ZNF410: variants seen among roughly 807,000 people sequenced by gnomAD.
The protein encoded by ZNF410 is zinc finger protein 410.
In ZNF410, 18 loss-of-function variants were observed where a neutral mutation model predicts 54.8. That is an observed-to-expected ratio of 0.33 (90% CI 0.23 to 0.49). The LOEUF (loss-of-function observed/expected upper bound fraction) is 0.49. ZNF410 is among the 20% of genes least tolerant of loss of function. The probability of loss-of-function intolerance (pLI) is 0.99; values close to 1 mark genes in which losing one functional copy is unlikely to be tolerated. For missense variants in ZNF410, 405 were observed against 569.6 expected, an observed-to-expected ratio of 0.71 and a Z score of 2.94; for synonymous variants, 191 against 207.3, an observed-to-expected ratio of 0.92 and a Z score of 0.68.
At chr14:73,921,265 T>C in intron 9 of ZNF410, 160 bp downstream of exon 9, 2 of 779,006 alleles carry the variant, frequency 2.6e-6, no homozygotes, top group South Asian at 2.5e-5. Context: ...AGCTATACAG[T>C]AGAATCATCT....
intron 1 of ZNF410, among the ~76,000 whole-genome samples, chr14:73,890,591 G>T (rs1009110401): frequency 6.6e-6 from 1 of 152,038 alleles, no homozygotes; most frequent in Admixed American, 6.6e-5. Flanking sequence ...ACCCATCCTG[G>T]ATACATTTTA....
At chr14:73,918,443 T>TTGGTTGAATCAATGGATGTGGA (rs2055702118) in intron 8 of ZNF410, among the ~76,000 whole-genome samples, 1 of 152,134 alleles carries the variant, frequency 6.6e-6, no homozygotes, top group Non-Finnish European at 1.5e-5. Flanking sequence ...TTTTATCTGC[T>TTGGTTGAATCAATGGATGTGGA]TGGTTGAATC....
At chr14:73,892,549 C>A (rs907281788) in intron 2 of ZNF410, among the ~76,000 whole-genome samples, 2 of 151,748 alleles carry the variant, frequency 1.3e-5, no homozygotes, top group South Asian at 2.1e-4. Flanking sequence ...TTTACTACTA[C>A]AAATTCTTTT....
intron 5 of ZNF410, among the ~76,000 whole-genome samples, chr14:73,900,124 T>C (rs11625171): frequency 0.49 from 73,429 of 149,930 alleles, 18,075 homozygotes; most frequent in South Asian, 0.61. Flanking sequence ...ACCCGGGAGG[T>C]GGAGGTTGCA....
At chr14:73,913,394 G>C (rs1183138653) in intron 8 of ZNF410, 2 of 152,034 alleles carry the variant, frequency 1.3e-5, no homozygotes, top group Non-Finnish European at 2.9e-5. Flanking sequence ...TCCAGAGCAA[G>C]GTTGAAGGAA....
Position 73,911,836 on chromosome 14 carries a change from AGTT to A in ZNF410, c.1003+2425_1003+2427del, listed in dbSNP as rs370213161. Among the ~76,000 whole-genome samples, 214 of 151,932 alleles carry A rather than the reference AGTT, an allele frequency of 1.4e-3. 1 individual carries two copies. Among genetic ancestry groups the A allele is most frequent in the East Asian group, 3.9e-3 (20 of 5,160 alleles). ...TAAAAATCTAGATCTTTCTACATTGAGTTGTTGTTGTTGTTGTTGTTTGTTTGT... is the reference window on the plus strand; with the variant it reads ...TAAAAATCTAGATCTTTCTACATTGAGTTGTTGTTGTTGTTGTTTGTTTGT... On this transcript the variant is annotated intron_variant, in intron 8 of 11. Transcript: ENST00000555044.
intron 8 of ZNF410, among the ~76,000 whole-genome samples, chr14:73,917,600 A>G (rs1261057015): frequency 1.3e-5 from 2 of 152,136 alleles, no homozygotes; most frequent in Non-Finnish European, 2.9e-5. Context: ...AGGTGGGTGG[A>G]TCACCTGAGG....
intron 1 of ZNF410, among the ~76,000 whole-genome samples, chr14:73,890,952 G>A (rs2055219663): frequency 6.6e-6 from 1 of 152,146 alleles, no homozygotes; most frequent in Non-Finnish European, 1.5e-5. Flanking sequence ...AGGTTGTGGT[G>A]AGCTGAGATC....
intron 5 of ZNF410, among the ~76,000 whole-genome samples, chr14:73,901,835 G>A (rs1352719338): frequency 6.6e-6 from 1 of 151,416 alleles, no homozygotes; most frequent in Non-Finnish European, 1.5e-5. Flanking sequence ...TTGGGAGGCT[G>A]AGGTGGGAGG....
intron 7 of ZNF410, among the ~76,000 whole-genome samples, chr14:73,905,942 T>TACAC (rs1322750179): frequency 7.4e-4 from 66 of 89,456 alleles, no homozygotes; most frequent in African/African-American, 3.8e-3. Flanking sequence ...CATACATATA[T>TACAC]ATACACACAC....
Position 73,918,997 on chromosome 14 carries a change from C to CTT in ZNF410, c.1004-1954_1004-1953dup, listed in dbSNP as rs906481832. On this transcript the variant is annotated intron_variant, in intron 8 of 11. Transcript: ENST00000555044. ...ACAGGAGTAAGCCACCGTGCCCGGC[C>CTT]TTTTTTTTTTTTTTTTTTTTTTTTT... Among the ~76,000 whole-genome samples the CTT allele has an allele frequency of 0.013, 817 of 60,638 alleles. 169 individuals carry two copies. The East Asian group carries it at 0.15, about 11-fold the overall frequency. 39.8% of individuals were successfully genotyped at this position (60,638 alleles called of 152,430 possible). A position where few individuals can be genotyped will look rare whatever the true frequency, so the allele number is the denominator to read the frequency against.
intron 8 of ZNF410, 167 bp from the exon 9 acceptor site, chr14:73,920,813 T>A: frequency 1.3e-6 from 1 of 772,876 alleles, no homozygotes; most frequent in Non-Finnish European, 2.0e-6. Flanking sequence ...GTACTCTTCC[T>A]GCCTTCCCCC....
rs554821810 is a variant in ZNF410 at position 73,908,060 on chromosome 14, G to A, written c.914-1281G>A. Reference sequence around the variant, plus strand: ...TAGATGAAAAGCTGATTTTTAGAGAGATTAAACACCTTCCCCATGCAAATA... The same window carrying A: ...TAGATGAAAAGCTGATTTTTAGAGAAATTAAACACCTTCCCCATGCAAATA... On this transcript the variant is annotated intron_variant, in intron 7 of 11. Transcript: ENST00000555044. Among the ~76,000 whole-genome samples the A allele has an allele frequency of 5.9e-5, 9 of 152,294 alleles. No homozygotes were observed. In the South Asian group the frequency reaches 8.3e-4, roughly 14 times the overall value.
chr14:73,916,550 C>T (rs2055670608), intron 8 of ZNF410: 2 of 152,136 alleles, frequency 1.3e-5, no homozygotes, highest in Non-Finnish European at 1.5e-5. Context: ...CTTGTTATAG[C>T]CTCTCTGCTT....
chr14:73,915,217 G>A (rs569118330), intron 8 of ZNF410, among the ~76,000 whole-genome samples: 9 of 149,104 alleles, frequency 6.0e-5, no homozygotes, highest in South Asian at 4.3e-4. Flanking sequence ...AGTCGAGATC[G>A]CGCCACTGCA....
intron 11 of ZNF410, among the ~76,000 whole-genome samples, chr14:73,924,090 A>C (rs2055793751): frequency 6.6e-6 from 1 of 152,206 alleles, no homozygotes; most frequent in Non-Finnish European, 1.5e-5. Flanking sequence ...CCAAATGGGC[A>C]TATACAGATT....
chr14:73,905,991 A>ATATATATATG (rs1491231212), intron 7 of ZNF410, among the ~76,000 whole-genome samples: 48 of 141,782 alleles, frequency 3.4e-4, no homozygotes, highest in African/African-American at 1.2e-3. Context: ...ATATATATAT[A>ATATATATATG]TATACACACA....
intron 8 of ZNF410, chr14:73,916,462 C>G (rs142368791): frequency 2.0e-5 from 3 of 152,150 alleles, no homozygotes; most frequent in African/African-American, 7.2e-5. Flanking sequence ...ATTATAGGTA[C>G]GAGCCACCGT....
In ZNF410 at chr14:73,904,015, T is replaced by C. The variant is rs112979968; in HGVS notation, c.636T>C (p.Leu212=). ...GGCAGTCAAAAGATTCTGGGCCCCT[T>C]CCTCAAGTGGAAAAGAAGCTCAAGT... ...GDGQSKDSGP[L]PQVEKKLKCT... Residue 212 remains leucine (L), a synonymous_variant, in exon 6 of 12, where the codon CTT becomes CTC. Coordinates refer to ENST00000555044, the MANE Select transcript of ZNF410 (RefSeq NM_021188.3). The C allele has an allele frequency of 6.2e-7, 1 of 1,614,198 alleles. No homozygotes were observed. The highest frequency in any genetic ancestry group is 1.1e-5 in the South Asian group (1 of 91,084).
Sources: allele counts gnomAD v4.1 joint callset (sites outside exome capture counted in the v4.1 genomes callset), GRCh38; gene constraint gnomAD v4.1.1; transcripts MANE v1.5; gene names NCBI Gene and HGNC (gene_info 2026-07-23, HGNC 2026-07-21).